GRIK2: variants seen among roughly 807,000 people sequenced by gnomAD.
The protein encoded by GRIK2 is glutamate receptor ionotropic, kainate 2.
In GRIK2, 32 loss-of-function variants were observed where a neutral mutation model predicts 100.3. That is an observed-to-expected ratio of 0.32 (90% CI 0.24 to 0.43). The LOEUF (loss-of-function observed/expected upper bound fraction) is 0.43. GRIK2 is among the 20% of genes least tolerant of loss of function. The probability of loss-of-function intolerance (pLI) is 1.00; values close to 1 mark genes in which losing one functional copy is unlikely to be tolerated. For synonymous variants in GRIK2, 417 were observed against 389.4 expected, an observed-to-expected ratio of 1.07 and a Z score of -0.83; for missense variants, 843 against 1,114.9, an observed-to-expected ratio of 0.76 and a Z score of 3.47.
chr6:101,996,079 C>T (rs918143678), intron 14 of GRIK2, among the ~76,000 whole-genome samples: 9 of 152,066 alleles, frequency 5.9e-5, no homozygotes, highest in African/African-American at 2.2e-4. Flanking sequence ...TTGATCCCTT[C>T]AAGTGTTATT....
intron 14 of GRIK2, among the ~76,000 whole-genome samples, chr6:101,978,671 G>A (rs550067909): frequency 2.5e-4 from 38 of 151,998 alleles, no homozygotes; most frequent in African/African-American, 8.7e-4. Context: ...TACAACCATA[G>A]AAATATTATG....
chr6:102,039,959 T>C (rs2114446215), intron 15 of GRIK2, among the ~76,000 whole-genome samples: 1 of 151,648 alleles, frequency 6.6e-6, no homozygotes, highest in South Asian at 2.1e-4. Context: ...ATGGAGGGAA[T>C]TGTGCTCATA....
At chr6:101,737,834 AAG>A (rs1775750540) in intron 7 of GRIK2, among the ~76,000 whole-genome samples, 1 of 152,116 alleles carries the variant, frequency 6.6e-6, no homozygotes, top group Admixed American at 6.5e-5. Flanking sequence ...GTAGATGTGA[AAG>A]AGAATGGTGC....
intron 7 of GRIK2, among the ~76,000 whole-genome samples, chr6:101,792,935 C>A (rs1330056886): frequency 6.6e-6 from 1 of 152,026 alleles, no homozygotes; most frequent in Non-Finnish European, 1.5e-5. Flanking sequence ...CTAAACTTCC[C>A]TTCTCGCTTC....
intron 2 of GRIK2, among the ~76,000 whole-genome samples, chr6:101,404,566 T>A (rs1775498781): frequency 6.6e-6 from 1 of 152,234 alleles, no homozygotes; most frequent in Non-Finnish European, 1.5e-5. Context: ...TTTTTGCACA[T>A]CAGATTAGAA....
At chr6:101,645,377 T>C (rs913429414) in intron 4 of GRIK2, among the ~76,000 whole-genome samples, 12 of 151,864 alleles carry the variant, frequency 7.9e-5, no homozygotes, top group Non-Finnish European at 1.5e-4. Flanking sequence ...TATTGTGTTA[T>C]AACTAGCCAT....
intron 12 of GRIK2, among the ~76,000 whole-genome samples, chr6:101,923,891 C>T (rs1355931191): frequency 2.1e-5 from 3 of 146,338 alleles, no homozygotes; most frequent in Admixed American, 1.4e-4. Flanking sequence ...GCTGCACTCA[C>T]TCCAGCCTGG....
intron 15 of GRIK2, among the ~76,000 whole-genome samples, chr6:102,036,222 C>CGCAA (rs1562128388): frequency 8.8e-6 from 1 of 113,672 alleles, no homozygotes; most frequent in African/African-American, 3.8e-5. Context: ...ATGATGGTGC[C>CGCAA]GTAAGTAAAC....
chr6:101,616,999 T>C (rs1382227938), intron 2 of GRIK2, among the ~76,000 whole-genome samples: 1 of 151,748 alleles, frequency 6.6e-6, no homozygotes, highest in Non-Finnish European at 1.5e-5. Flanking sequence ...GTATTATATT[T>C]AATATACTTT....
chr6:101,651,757 C>T (rs979542026), intron 4 of GRIK2, among the ~76,000 whole-genome samples: 6 of 152,128 alleles, frequency 3.9e-5, no homozygotes, highest in Admixed American at 6.6e-5. Flanking sequence ...TGCCTACTAA[C>T]GTCTCACTGG....
rs769641436 is a variant in GRIK2, at chr6:102,035,318, C to A, written c.2086-23C>A. On this transcript the variant is annotated intron_variant, in intron 14 of 16. Transcript: ENST00000369134. ...AACTAAAGAATAACTTTCTCGTGAC[C>A]AACTTATATTTATTTTCTTCAGAAA... 2.8e-6 allele frequency: 4 copies of A among 1,405,342 alleles called. No individual in the cohort carries two copies. In the Admixed American group the frequency reaches 7.0e-5, roughly 24 times the overall value. The allele number at this position is 1,405,342 out of a possible 1,614,324, so 87.1% of individuals were successfully genotyped here. A position where few individuals can be genotyped will look rare whatever the true frequency, so the allele number is the denominator to read the frequency against.
intron 10 of GRIK2, among the ~76,000 whole-genome samples, chr6:101,849,980 C>T (rs1464306682): frequency 1.3e-5 from 2 of 151,520 alleles, no homozygotes; most frequent in East Asian, 3.9e-4. Context: ...AGGATAAATT[C>T]AAGAACAAGA....
At chr6:101,545,374 C>T (rs574638716) in intron 2 of GRIK2, among the ~76,000 whole-genome samples, 57 of 152,160 alleles carry the variant, frequency 3.7e-4, no homozygotes, top group African/African-American at 1.3e-3. Flanking sequence ...GCCTGTAGGC[C>T]GTGTACATAT....
intron 10 of GRIK2, among the ~76,000 whole-genome samples, chr6:101,845,017 GT>G (rs1435668886): frequency 2.0e-5 from 3 of 151,690 alleles, no homozygotes; most frequent in Non-Finnish European, 4.4e-5. Context: ...TGTTGTTGTT[GT>G]TGTTGTTGTT....
chr6:101,957,300 A>G (rs997645503), intron 14 of GRIK2, among the ~76,000 whole-genome samples: 1 of 151,738 alleles, frequency 6.6e-6, no homozygotes, highest in African/African-American at 2.4e-5. Context: ...TCTTATTCTG[A>G]AAAATCTCTT....
At chr6:101,648,704 A>G (rs1781645198) in intron 4 of GRIK2, among the ~76,000 whole-genome samples, 1 of 152,114 alleles carries the variant, frequency 6.6e-6, no homozygotes, top group African/African-American at 2.4e-5. Context: ...ATCATTTGAG[A>G]TAACAATTCT....
At chr6:101,815,082 T>G (rs1460054490) in intron 9 of GRIK2, among the ~76,000 whole-genome samples, 1 of 152,104 alleles carries the variant, frequency 6.6e-6, no homozygotes, top group Admixed American at 6.6e-5. Context: ...TGTTAAGTGG[T>G]GGACATAGGA....
intron 2 of GRIK2, among the ~76,000 whole-genome samples, chr6:101,490,644 T>C (rs1773057100): frequency 6.8e-6 from 1 of 146,630 alleles, no homozygotes; most frequent in South Asian, 2.2e-4. Flanking sequence ...TGATAAAAGG[T>C]ATCGTTGTCT....
chr6:101,619,896 A>T (rs1320654284), intron 2 of GRIK2, among the ~76,000 whole-genome samples: 3 of 152,106 alleles, frequency 2.0e-5, no homozygotes, highest in Admixed American at 6.6e-5. Flanking sequence ...CTATCACTTG[A>T]TAGCTATGTG....
Sources: allele counts gnomAD v4.1 joint callset (sites outside exome capture counted in the v4.1 genomes callset), GRCh38; gene constraint gnomAD v4.1.1; transcripts MANE v1.5; gene names NCBI Gene and HGNC (gene_info 2026-07-23, HGNC 2026-07-21).